Variants in WWOX observed in about 807,000 individuals in gnomAD.
WWOX encodes WW domain-containing oxidoreductase.
Under a neutral mutation model 46.2 loss-of-function variants are expected in WWOX, and 69 were observed. The observed-to-expected ratio is 1.49, with a 90% CI of 1.23 to 1.82. The LOEUF is 1.82. WWOX is among the 40% of genes most tolerant of loss of function. WWOX has a pLI of 0.00. For missense variants in WWOX, 919 were observed against 542.6 expected (o/e 1.69, Z -6.89); for synonymous variants, 359 against 202.6 (o/e 1.77, Z -6.56).
intron 8 of WWOX, among the ~76,000 whole-genome samples, chr16:78,654,551 C>T (rs570117454): frequency 6.6e-6 from 1 of 152,224 alleles, no homozygotes; most frequent in South Asian, 2.1e-4. Flanking sequence ...AAGAGGCCCA[C>T]GTTCTTTTCA....
At chr16:79,162,881 C>G (rs2050514631) in intron 8 of WWOX, among the ~76,000 whole-genome samples, 1 of 152,206 alleles carries the variant, frequency 6.6e-6, no homozygotes, top group African/African-American at 2.4e-5. Context: ...AAAGGTGTTG[C>G]TCTCTGCCTC....
At chr16:79,022,344 CAAAAAAAA>C (rs10654627) in intron 8 of WWOX, among the ~76,000 whole-genome samples, 6 of 71,216 alleles carry the variant, frequency 8.4e-5, no homozygotes, top group Admixed American at 1.6e-4. Flanking sequence ...CAATCTGTGG[CAAAAAAAA>C]AAAAAAAAAA....
At chr16:78,471,868 A>G (rs577728975) in intron 8 of WWOX, among the ~76,000 whole-genome samples, 68 of 152,316 alleles carry the variant, frequency 4.5e-4, no homozygotes, top group African/African-American at 1.4e-3. Flanking sequence ...TTAATGTACC[A>G]ATTTGCAATT....
chr16:78,905,092 C>A (rs1163825234), intron 8 of WWOX, among the ~76,000 whole-genome samples: 1 of 152,124 alleles, frequency 6.6e-6, no homozygotes, highest in African/African-American at 2.4e-5. Flanking sequence ...CTTGGGGTCA[C>A]TTAAAACATA....
At chr16:78,987,989 A>T (rs1314464375) in intron 8 of WWOX, among the ~76,000 whole-genome samples, 5 of 152,030 alleles carry the variant, frequency 3.3e-5, no homozygotes, top group Non-Finnish European at 7.4e-5. Context: ...AAGAAATTTT[A>T]ATAACAAAGG....
At chr16:78,144,203 G>T (rs1377152671) in intron 4 of WWOX, among the ~76,000 whole-genome samples, 1 of 151,548 alleles carries the variant, frequency 6.6e-6, no homozygotes, top group Non-Finnish European at 1.5e-5. Flanking sequence ...ATAGTTTTCG[G>T]TAGTGGCTGG....
chr16:78,395,915 A>T (rs1020087521), intron 6 of WWOX, among the ~76,000 whole-genome samples: 3 of 152,094 alleles, frequency 2.0e-5, no homozygotes, highest in Admixed American at 1.3e-4. Context: ...TCTTGATTTT[A>T]GGCATCTTTT....
chr16:78,690,478 G>A (rs1264289572), intron 8 of WWOX, among the ~76,000 whole-genome samples: 4 of 152,074 alleles, frequency 2.6e-5, no homozygotes, highest in African/African-American at 9.7e-5. Flanking sequence ...CTTGGGCCCT[G>A]GACGTCAAGG....
rs867902275 is a variant in WWOX at position 78,996,385 on chromosome 16, C to T, written c.1057-215223C>T. 4.6e-5 allele frequency: 35 copies of T among 766,902 alleles called. No homozygotes were observed. The Middle Eastern group carries it at 2.1e-3, about 46-fold the overall frequency. 47.5% of individuals were successfully genotyped at this position (766,902 alleles called of 1,614,324 possible). A position where few individuals can be genotyped will look rare whatever the true frequency, so the allele number is the denominator to read the frequency against. ...AGTGAATTCTGCACCCACCCCCGCC[C>T]CCCAGCTTCCCCACCTGTAAAATGA... On this transcript the variant is annotated intron_variant, in intron 8 of 8. Coordinates refer to ENST00000566780, the MANE Select transcript of WWOX (RefSeq NM_016373.4).
intron 5 of WWOX, among the ~76,000 whole-genome samples, chr16:78,259,377 A>C (rs1389349800): frequency 6.6e-6 from 1 of 152,166 alleles, no homozygotes; most frequent in African/African-American, 2.4e-5. Flanking sequence ...CCCAGGTTGG[A>C]GTGCAGTGGC....
At chr16:78,576,786 G>T (rs1300557534) in intron 8 of WWOX, among the ~76,000 whole-genome samples, 1 of 152,162 alleles carries the variant, frequency 6.6e-6, no homozygotes, top group African/African-American at 2.4e-5. Flanking sequence ...AGCTATGATT[G>T]TGCCACTGCA....
At chr16:78,461,760 C>T (rs183311652) in intron 8 of WWOX, among the ~76,000 whole-genome samples, 43 of 152,322 alleles carry the variant, frequency 2.8e-4, no homozygotes, top group African/African-American at 9.9e-4. Flanking sequence ...TCGAGCCCTC[C>T]CTTTTCCCGT....
chr16:78,894,988 A>G (rs1425926128), intron 8 of WWOX, among the ~76,000 whole-genome samples: 2 of 152,214 alleles, frequency 1.3e-5, no homozygotes, highest in African/African-American at 2.4e-5. Flanking sequence ...AGGTGTACAG[A>G]AGCTGGAGAT....
chr16:78,227,659 T>C (rs1326405447), intron 5 of WWOX, among the ~76,000 whole-genome samples: 2 of 152,078 alleles, frequency 1.3e-5, no homozygotes, highest in African/African-American at 4.8e-5. Context: ...GGTGGATCAC[T>C]TGAGGCCTGG....
chr16:78,155,338 T>G (rs1051007069), intron 4 of WWOX, among the ~76,000 whole-genome samples: 3 of 152,202 alleles, frequency 2.0e-5, no homozygotes, highest in Non-Finnish European at 4.4e-5. Flanking sequence ...TGGGCTTGAC[T>G]TGTCCTCTGA....
At chr16:78,538,218 CAAAAAAAAA>C (rs67413792) in intron 8 of WWOX, among the ~76,000 whole-genome samples, 23 of 60,060 alleles carry the variant, frequency 3.8e-4, no homozygotes, top group South Asian at 2.8e-3. Context: ...TCACTCACAC[CAAAAAAAAA>C]AAAAAAAAAA....
At chr16:78,515,737 G>A (rs553878195) in intron 8 of WWOX, among the ~76,000 whole-genome samples, 32 of 152,260 alleles carry the variant, frequency 2.1e-4, no homozygotes, top group African/African-American at 4.8e-4. Flanking sequence ...CTAGGTCTGC[G>A]TGTTCAGCAC....
intron 8 of WWOX, among the ~76,000 whole-genome samples, chr16:78,855,473 C>A (rs887554038): frequency 1.3e-5 from 2 of 152,146 alleles, no homozygotes; most frequent in African/African-American, 4.8e-5. Flanking sequence ...TTGCTATGTT[C>A]ACTTTGCAGA....
chr16:78,832,760 G>C (rs8056057), intron 8 of WWOX, among the ~76,000 whole-genome samples: 41,826 of 152,050 alleles, frequency 0.28, 6,332 homozygotes, highest in Non-Finnish European at 0.35. Context: ...CAGGCCAGCA[G>C]GTGAGTTGGG....
Sources: gnomAD v4.1 joint callset for allele counts (sites outside exome capture counted in the v4.1 genomes callset) on GRCh38, gnomAD v4.1.1 for gene constraint, MANE v1.5 for transcripts, NCBI Gene and HGNC (gene_info 2026-07-23, HGNC 2026-07-21) for gene names.